Variants in ENTHD1 observed in about 807,000 individuals in gnomAD.
The protein encoded by ENTHD1 is ENTH domain-containing protein 1.
In ENTHD1, 23 loss-of-function variants were observed where a neutral mutation model predicts 39.1. The ratio of observed to expected loss-of-function variants is 0.59; its 90% confidence interval spans 0.42 to 0.83. The LOEUF (loss-of-function observed/expected upper bound fraction) is 0.83, where lower values mean the gene tolerates loss of function less well. Among genes scored for constraint, ENTHD1 ranks in the 40% least tolerant of loss-of-function variants. ENTHD1 has a pLI of 0.00. For missense variants in ENTHD1, 624 were observed against 705.4 expected (o/e 0.88, Z 1.31); for synonymous variants, 230 against 258.2 (o/e 0.89, Z 1.05).
At position 39,877,690 on chromosome 22, in the gene ENTHD1, G is replaced by C. The variant is rs187301802; in HGVS notation, c.349+9710C>G. Among the ~76,000 whole-genome samples, 4 of 152,072 alleles carry C rather than the reference G, an allele frequency of 2.6e-5. No individual in the cohort carries two copies. In the East Asian group the frequency reaches 7.7e-4, roughly 29 times the overall value. On this transcript the variant is annotated intron_variant, in intron 2 of 6. Coordinates refer to ENST00000325157, the MANE Select transcript of ENTHD1 (RefSeq NM_152512.4). ...AAAATCCCCTGGTGCTTCTAGCAGG[G>C]GAAGGAAAAAAAGGAACCATTCAGA...
chr22:39,817,983 G>A (rs999040566), intron 5 of ENTHD1, among the ~76,000 whole-genome samples: 5 of 152,158 alleles, frequency 3.3e-5, no homozygotes, highest in Non-Finnish European at 7.4e-5. Context: ...CTTCCTCCAT[G>A]GAGAGGTTGT....
chr22:39,793,121 C>T (rs760192149), intron 5 of ENTHD1, among the ~76,000 whole-genome samples: 9 of 152,092 alleles, frequency 5.9e-5, no homozygotes, highest in South Asian at 2.1e-4. Flanking sequence ...TTGATAAAAG[C>T]TATTTAAACT....
At chr22:39,817,881 G>A (rs900990242) in intron 5 of ENTHD1, among the ~76,000 whole-genome samples, 1 of 152,098 alleles carries the variant, frequency 6.6e-6, no homozygotes, top group Non-Finnish European at 1.5e-5. Context: ...ATAATTTGAT[G>A]GAAGATTGTT....
chr22:39,765,552 T>A lies in ENTHD1; in HGVS notation c.890A>T (p.Asp297Val). Residue 297 changes from aspartate (D) to valine (V), a missense_variant, in exon 6 of 7, where the codon GAC becomes GTC. Asp to Val is a radical substitution (Grantham distance 152). Coordinates refer to ENST00000325157, the MANE Select transcript of ENTHD1 (RefSeq NM_152512.4). ...SPSGQRDVSLDKRSDGIFTNT... is the reference protein window; with the variant it reads ...SPSGQRDVSLVKRSDGIFTNT... ...TGTAAAGATACCATCTGATCTCTTGTCCAAACTCACATCTCTCTGCCCAGA... is the reference window on the plus strand; with the variant it reads ...TGTAAAGATACCATCTGATCTCTTGACCAAACTCACATCTCTCTGCCCAGA... 1 of 1,613,676 alleles carries A rather than the reference T, an allele frequency of 6.2e-7. No individual in the cohort carries two copies. The highest frequency in any genetic ancestry group is 8.5e-7 in the Non-Finnish European group (1 of 1,179,900).
chr22:39,871,502 A>C (rs1223198205), intron 2 of ENTHD1, among the ~76,000 whole-genome samples: 1 of 152,202 alleles, frequency 6.6e-6, no homozygotes, highest in East Asian at 1.9e-4. Context: ...GGTTGGCTTT[A>C]ATTTCTTTGA....
At chr22:39,820,938 G>A in intron 5 of ENTHD1, 55 bp downstream of exon 5, 2 of 1,602,720 alleles carry the variant, frequency 1.2e-6, no homozygotes, top group Non-Finnish European at 1.7e-6. Flanking sequence ...AACGGTTGCT[G>A]TACTTCACAA....
chr22:39,815,181 G>A (rs1297354032), intron 5 of ENTHD1, among the ~76,000 whole-genome samples: 1 of 152,180 alleles, frequency 6.6e-6, no homozygotes, highest in East Asian at 1.9e-4. Context: ...AAGGCCTGGT[G>A]CAGGGGCTCA....
chr22:39,804,400 C>A lies in ENTHD1; in HGVS notation c.832+16593G>T, dbSNP rs565508427. On this transcript the variant is annotated intron_variant, in intron 5 of 6. Transcript: ENST00000325157. ...ACTTGAGAGGCTAAGGTGGGAGGAT[C>A]ACTTGACCCTAGGAGTTACTGCACT... Among the ~76,000 whole-genome samples the A allele has an allele frequency of 1.1e-3, 155 of 145,686 alleles. 2 individuals are homozygous for A. The Middle Eastern group carries it at 0.014, about 14-fold the overall frequency.
Position 39,750,151 on chromosome 22 carries a change from C to T in ENTHD1, c.1220-5868G>A, listed in dbSNP as rs568120432. 2.2e-3 allele frequency: 463 copies of T among 209,600 alleles called. 2 individuals carry two copies. Among genetic ancestry groups the T allele is most frequent in the Non-Finnish European group, 3.3e-3 (314 of 95,606 alleles). 13.0% of individuals were successfully genotyped at this position (209,600 alleles called of 1,614,324 possible). A position where few individuals can be genotyped will look rare whatever the true frequency, so the allele number is the denominator to read the frequency against. ...TGAATATTCTGGTGTTCCTATAGAT[C>T]AGGTTTTGCTGATTTGGGAAAATAA... On this transcript the variant is annotated intron_variant, in intron 6 of 6. Coordinates refer to ENST00000325157, the MANE Select transcript of ENTHD1 (RefSeq NM_152512.4).
chr22:39,809,134 A>G (rs1355395441), intron 5 of ENTHD1, among the ~76,000 whole-genome samples: 3 of 152,216 alleles, frequency 2.0e-5, no homozygotes, highest in Non-Finnish European at 4.4e-5. Flanking sequence ...AATGGAGGAC[A>G]TTGTAAATGC....
intron 3 of ENTHD1, among the ~76,000 whole-genome samples, chr22:39,836,725 G>A (rs1198177121): frequency 2.6e-5 from 4 of 152,166 alleles, no homozygotes; most frequent in Non-Finnish European, 5.9e-5. Flanking sequence ...TTGGTGGGAG[G>A]TGATTGGTTC....
chr22:39,753,312 T>G (rs1394077990), intron 6 of ENTHD1, among the ~76,000 whole-genome samples: 1 of 152,246 alleles, frequency 6.6e-6, no homozygotes, highest in Non-Finnish European at 1.5e-5. Flanking sequence ...CTTGTGTACA[T>G]GATCAAGTAT....
intron 3 of ENTHD1, among the ~76,000 whole-genome samples, chr22:39,837,243 T>G (rs749801257): frequency 6.6e-6 from 1 of 152,130 alleles, no homozygotes; most frequent in Non-Finnish European, 1.5e-5. Flanking sequence ...ACTGGAGATA[T>G]GTAAAGATTT....
intron 5 of ENTHD1, among the ~76,000 whole-genome samples, chr22:39,814,254 T>C (rs756629471): frequency 6.8e-6 from 1 of 147,828 alleles, no homozygotes; most frequent in Non-Finnish European, 1.5e-5. Flanking sequence ...AGTCCAGGAG[T>C]TCGAGACCAG....
In ENTHD1 at chr22:39,887,621, A is replaced by G. The variant is rs973711600; in HGVS notation, c.128T>C (p.Leu43Ser). Residue 43 changes from leucine (L) to serine (S), a missense_variant, in exon 2 of 7, where the codon TTG (leucine) becomes TCG (serine). Transcript: ENST00000325157. ...TGAGAGAGAAATTGTGTTGAAAGTC[A>G]AGTCACTGATATCTAACATCAGAGA... is the stretch of plus-strand genomic sequence containing the variant. ...SSSLMLDISDLTFNTISLSEI... is the reference protein window; with the variant it reads ...SSSLMLDISDSTFNTISLSEI... The G allele has an allele frequency of 6.2e-7, 1 of 1,614,066 alleles. No homozygotes were observed. Among genetic ancestry groups the G allele is most frequent in the African/African-American group, 1.3e-5 (1 of 74,908 alleles).
chr22:39,797,916 C>G (rs1424771288), intron 5 of ENTHD1, among the ~76,000 whole-genome samples: 8 of 151,982 alleles, frequency 5.3e-5, no homozygotes, highest in Non-Finnish European at 8.8e-5. Flanking sequence ...TGAAGAAGAC[C>G]TTTTGGGGTT....
rs1569172484 is a variant in ENTHD1, at chr22:39,862,011, A to T, written c.350-4T>A. The T allele has an allele frequency of 6.8e-7, 1 of 1,475,780 alleles. No homozygotes were observed. The highest frequency in any genetic ancestry group is 9.1e-7 in the Non-Finnish European group (1 of 1,093,990). The allele number at this position is 1,475,780 out of a possible 1,614,324, so 91.4% of individuals were successfully genotyped here. ...GATTTTTCCCGGATATAATAACCTG[A>T]AAAATACATTGACTCTGCTTAGAAA... On this transcript the variant is annotated splice_polypyrimidine_tract_variant and splice_region_variant and intron_variant, in intron 2 of 6. Coordinates refer to ENST00000325157, the MANE Select transcript of ENTHD1 (RefSeq NM_152512.4).
intron 2 of ENTHD1, among the ~76,000 whole-genome samples, chr22:39,878,780 A>G (rs1453794951): frequency 6.6e-6 from 1 of 152,112 alleles, no homozygotes; most frequent in Non-Finnish European, 1.5e-5. Context: ...AAGTGAAAAT[A>G]AAAACTTTCT....
chr22:39,851,065 T>G (rs2066033613), intron 3 of ENTHD1, among the ~76,000 whole-genome samples: 1 of 152,160 alleles, frequency 6.6e-6, no homozygotes, highest in Admixed American at 6.5e-5. Flanking sequence ...TATAAATAAC[T>G]ATTTCACCCT....
Sources: gnomAD v4.1 joint callset for allele counts (sites outside exome capture counted in the v4.1 genomes callset) on GRCh38, gnomAD v4.1.1 for gene constraint, MANE v1.5 for transcripts, NCBI Gene and HGNC (gene_info 2026-07-23, HGNC 2026-07-21) for gene names.